The following SNTB1 variants were observed in gnomAD, a reference collection of about 807,000 sequenced individuals.
The protein encoded by SNTB1 is beta-1-syntrophin.
SNTB1 carries 36 observed loss-of-function variants against 48.9 expected under a neutral mutation model. That is an observed-to-expected ratio of 0.74 (90% CI 0.56 to 0.97). The LOEUF (loss-of-function observed/expected upper bound fraction) is 0.97, where lower values mean the gene tolerates loss of function less well. Ranked by LOEUF, SNTB1 falls within the 50% of genes least tolerant of loss-of-function variation. The pLI, the probability that SNTB1 is intolerant of heterozygous loss-of-function variation, is 0.00. For missense variants in SNTB1, 786 were observed against 703.4 expected (o/e 1.12, Z -1.33); for synonymous variants, 299 against 294.6 (o/e 1.01, Z -0.15).
At chr8:120,571,035 C>T in intron 4 of SNTB1, 1 of 403,764 alleles carries the variant, frequency 2.5e-6, no homozygotes, top group Non-Finnish European at 3.9e-6. Flanking sequence ...CTCTTTATCC[C>T]TTGTCCCAAT....
intron 1 of SNTB1, among the ~76,000 whole-genome samples, chr8:120,810,490 A>C (rs1820406276): frequency 6.6e-6 from 1 of 152,208 alleles, no homozygotes. Context: ...ACTGTTTACA[A>C]ATGCAAAGTT....
intron 1 of SNTB1, among the ~76,000 whole-genome samples, chr8:120,808,797 G>A (rs143508851): frequency 2.6e-5 from 4 of 152,212 alleles, no homozygotes; most frequent in Non-Finnish European, 5.9e-5. Flanking sequence ...TCTCCACCAG[G>A]GGGCGCATGT....
intron 2 of SNTB1, among the ~76,000 whole-genome samples, chr8:120,646,874 T>C (rs984971731): frequency 6.6e-6 from 1 of 152,042 alleles, no homozygotes; most frequent in Non-Finnish European, 1.5e-5. Flanking sequence ...AGATTCAACT[T>C]CTTCCTGGTT....
intron 3 of SNTB1, among the ~76,000 whole-genome samples, chr8:120,618,194 A>G (rs1816745186): frequency 6.6e-6 from 1 of 152,158 alleles, no homozygotes; most frequent in Non-Finnish European, 1.5e-5. Flanking sequence ...CCACTGATTT[A>G]ATATGGAAAT....
chr8:120,575,350 C>T (rs993479381), intron 3 of SNTB1, 125 bp from the exon 4 acceptor site: 1 of 1,057,588 alleles, frequency 9.5e-7, no homozygotes, highest in Admixed American at 2.2e-5. Flanking sequence ...GTTGCAAAAT[C>T]AAAATGGAAA....
intron 1 of SNTB1, chr8:120,769,609 C>G (rs1819584529): frequency 6.6e-6 from 1 of 152,226 alleles, no homozygotes; most frequent in Non-Finnish European, 1.5e-5. Context: ...GGAGGAAGCC[C>G]AGGTCAACCA....
chr8:120,754,329 C>CA (rs936407807), intron 1 of SNTB1, among the ~76,000 whole-genome samples: 2 of 151,556 alleles, frequency 1.3e-5, no homozygotes, highest in Admixed American at 6.6e-5. Flanking sequence ...CAAGTGTCTA[C>CA]AAAAAAAATC....
At chr8:120,747,549 C>T (rs551404944) in intron 1 of SNTB1, among the ~76,000 whole-genome samples, 3 of 152,194 alleles carry the variant, frequency 2.0e-5, no homozygotes, top group South Asian at 4.2e-4. Context: ...CCTCAGCCTC[C>T]GAAAGTGCGA....
rs530227047 is a variant in SNTB1 at position 120,807,481 on chromosome 8, T to A, written c.571+3792A>T. On this transcript the variant is annotated intron_variant, in intron 1 of 6. Transcript: ENST00000517992. ...AGAAATGAGCTTGTGATGTGAAGAT[T>A]CCTGATCTTAACTTTAATGAAAATT... 2.0e-5 allele frequency among the ~76,000 whole-genome samples: 3 copies of A among 152,326 alleles called. No individual in the cohort carries two copies. In the South Asian group the frequency reaches 6.2e-4, roughly 32 times the overall value.
chr8:120,646,391 T>C (rs1240869934), intron 2 of SNTB1, among the ~76,000 whole-genome samples: 2 of 148,912 alleles, frequency 1.3e-5, no homozygotes, highest in East Asian at 3.9e-4. Flanking sequence ...TTGAATTTTG[T>C]CAAAGGCTTT....
chr8:120,808,564 G>A (rs11997726), intron 1 of SNTB1, among the ~76,000 whole-genome samples: 18,827 of 152,162 alleles, frequency 0.12, 3,853 homozygotes, highest in African/African-American at 0.43. Context: ...TACTTCCAGC[G>A]GATATTTGAT....
intron 2 of SNTB1, chr8:120,655,140 T>C (rs1817477935): frequency 4.2e-6 from 1 of 240,776 alleles, no homozygotes; most frequent in Non-Finnish European, 8.4e-6. Flanking sequence ...CTGTAGTTTC[T>C]AGTTTTTTTC....
chr8:120,645,279 G>A (rs1320016591), intron 2 of SNTB1, among the ~76,000 whole-genome samples: 3 of 151,760 alleles, frequency 2.0e-5, no homozygotes, highest in African/African-American at 7.3e-5. Context: ...TTTTCTTCTA[G>A]GGTTTTTATG....
intron 4 of SNTB1, among the ~76,000 whole-genome samples, chr8:120,569,232 G>A (rs1024946981): frequency 2.0e-5 from 3 of 152,100 alleles, no homozygotes; most frequent in African/African-American, 7.2e-5. Flanking sequence ...TGCCTACCTC[G>A]GCCTCCCAAA....
intron 1 of SNTB1, among the ~76,000 whole-genome samples, chr8:120,798,311 T>A (rs187519073): frequency 6.6e-6 from 1 of 152,150 alleles, no homozygotes; most frequent in East Asian, 1.9e-4. Context: ...TGGTCAAGCA[T>A]GAGAACCAGA....
intron 2 of SNTB1, among the ~76,000 whole-genome samples, chr8:120,677,571 T>C (rs1241984637): frequency 6.6e-6 from 1 of 152,162 alleles, no homozygotes; most frequent in Non-Finnish European, 1.5e-5. Context: ...CACATCTTCA[T>C]GATACTGAAA....
At chr8:120,643,372 C>T (rs755666579) in intron 2 of SNTB1, among the ~76,000 whole-genome samples, 19 of 152,116 alleles carry the variant, frequency 1.2e-4, no homozygotes, top group Non-Finnish European at 2.1e-4. Context: ...TACCCATCAC[C>T]CGAGCAGTGT....
At chr8:120,636,813 G>A (rs533575060) in intron 2 of SNTB1, 48 of 163,552 alleles carry the variant, frequency 2.9e-4, no homozygotes, top group Non-Finnish European at 3.0e-4. Flanking sequence ...CTGAGGAATC[G>A]CCACACTGAC....
At chr8:120,621,024 G>A (rs1310044505) in intron 3 of SNTB1, among the ~76,000 whole-genome samples, 1 of 151,406 alleles carries the variant, frequency 6.6e-6, no homozygotes, top group Non-Finnish European at 1.5e-5. Flanking sequence ...CAGTGGTGCA[G>A]TCTCTGCTCA....
Sources: allele counts gnomAD v4.1 joint callset (sites outside exome capture counted in the v4.1 genomes callset), GRCh38; gene constraint gnomAD v4.1.1; transcripts MANE v1.5; gene names NCBI Gene and HGNC (gene_info 2026-07-23, HGNC 2026-07-21).